UTRN: variants seen among roughly 807,000 people sequenced by gnomAD.
The protein encoded by UTRN is utrophin.
A neutral mutation model predicts 463.9 loss-of-function variants in UTRN; 283 were observed. The ratio of observed to expected loss-of-function variants is 0.61; its 90% CI spans 0.55 to 0.67. The LOEUF (loss-of-function observed/expected upper bound fraction) is 0.67. Ranked by LOEUF, UTRN falls within the 30% of genes least tolerant of loss-of-function variation. UTRN has a pLI of 0.00. For synonymous variants in UTRN, 1,442 were observed against 1,431.5 expected (o/e 1.01, Z -0.17); for missense variants, 3,922 against 4,084.3 (o/e 0.96, Z 1.08).
In UTRN at chr6:144,638,447, A is replaced by G. The variant is rs552023761; in HGVS notation, c.7480-39959A>G. Among the ~76,000 whole-genome samples the G allele has an allele frequency of 9.9e-5, 15 of 152,180 alleles. 1 individual carries two copies. In the South Asian group the frequency reaches 3.1e-3, roughly 31 times the overall value. On this transcript the variant is annotated intron_variant, in intron 51 of 74. Coordinates refer to ENST00000367545, the MANE Select transcript of UTRN (RefSeq NM_007124.3). ...ATTCCTCTTGGGACTGCTTATCTCTAGGGCCTGGATGCTTCCTTTAAATAG... is the reference window on the plus strand; with the variant it reads ...ATTCCTCTTGGGACTGCTTATCTCTGGGGCCTGGATGCTTCCTTTAAATAG...
chr6:144,538,344 T>C (rs930598228), intron 44 of UTRN, among the ~76,000 whole-genome samples: 2 of 152,150 alleles, frequency 1.3e-5, no homozygotes, highest in Non-Finnish European at 2.9e-5. Flanking sequence ...TGCAGAACAC[T>C]CAGCATAATG....
intron 57 of UTRN, among the ~76,000 whole-genome samples, chr6:144,755,318 A>G (rs1047032095): frequency 6.6e-6 from 1 of 152,152 alleles, no homozygotes; most frequent in African/African-American, 2.4e-5. Context: ...CAAACCACCT[A>G]TGCAGAATTT....
intron 2 of UTRN, among the ~76,000 whole-genome samples, chr6:144,350,655 G>A (rs1328461615): frequency 2.0e-5 from 3 of 152,072 alleles, no homozygotes; most frequent in Non-Finnish European, 4.4e-5. Context: ...TATGTTTATT[G>A]GCTCTTTGGA....
At chr6:144,538,060 G>A (rs905944698) in intron 44 of UTRN, among the ~76,000 whole-genome samples, 36 of 152,020 alleles carry the variant, frequency 2.4e-4, no homozygotes, top group Non-Finnish European at 4.1e-4. Context: ...ACTGATTATT[G>A]TCTATAAAGC....
intron 66 of UTRN, among the ~76,000 whole-genome samples, chr6:144,823,146 A>G (rs1401895894): frequency 6.6e-6 from 1 of 152,114 alleles, no homozygotes; most frequent in Non-Finnish European, 1.5e-5. Context: ...AATTCATTCA[A>G]TTGAAAATGA....
chr6:144,398,932 G>A (rs1462511461), intron 2 of UTRN, among the ~76,000 whole-genome samples: 1 of 151,864 alleles, frequency 6.6e-6, no homozygotes, highest in African/African-American at 2.4e-5. Flanking sequence ...GCGGTTTTTA[G>A]CTTTAATAAC....
chr6:144,460,276 C>T (rs911387476), intron 21 of UTRN, among the ~76,000 whole-genome samples: 1 of 152,222 alleles, frequency 6.6e-6, no homozygotes, highest in Non-Finnish European at 1.5e-5. Flanking sequence ...CTACGTTACA[C>T]TATTTACTTC....
Position 144,748,336 on chromosome 6 carries a change from C to T in UTRN, c.8030C>T (p.Ala2677Val). 1 of 1,613,586 alleles carries T rather than the reference C, an allele frequency of 6.2e-7. No homozygotes were observed. The highest frequency in any genetic ancestry group is 8.5e-7 in the Non-Finnish European group (1 of 1,179,904). The change falls in exon 55 of 75, where the codon GCT (alanine) becomes GTT (valine). Residue 2677 changes from alanine (A) to valine (V), a missense_variant. Ala to Val is a moderately conservative substitution (Grantham distance 64). This residue lies in a region of UTRN where 1,309 missense variants were observed against 1,452.6 expected (regional missense o/e 0.90). Transcript: ENST00000367545. ...EVKEKWESLNAVTSNWQKQVD... is the reference protein window; with the variant it reads ...EVKEKWESLNVVTSNWQKQVD... ...AAAGAAAAATGGGAAAGTCTAAATG[C>T]TGTAACTAGCAATTGGCAAAAGCAA...
chr6:144,407,919 A>T (rs1783556252), intron 3 of UTRN, among the ~76,000 whole-genome samples: 1 of 152,258 alleles, frequency 6.6e-6, no homozygotes, highest in African/African-American at 2.4e-5. Context: ...ATCTAAAAAA[A>T]GCTAAAAATT....
At chr6:144,407,054 C>A (rs1421786349) in intron 3 of UTRN, among the ~76,000 whole-genome samples, 2 of 152,004 alleles carry the variant, frequency 1.3e-5, no homozygotes, top group Non-Finnish European at 2.9e-5. Context: ...CCTGAAGGAT[C>A]TCTTTTCTGA....
At chr6:144,298,583 A>T (rs994303021) in intron 2 of UTRN, among the ~76,000 whole-genome samples, 5 of 152,082 alleles carry the variant, frequency 3.3e-5, no homozygotes, top group African/African-American at 1.2e-4. Flanking sequence ...AATTAAGTTT[A>T]AAAAAAATGC....
intron 51 of UTRN, among the ~76,000 whole-genome samples, chr6:144,627,460 A>C (rs935315274): frequency 5.9e-5 from 9 of 152,182 alleles, no homozygotes; most frequent in African/African-American, 2.2e-4. Flanking sequence ...ACTATGGTGA[A>C]ATATACAAAA....
At chr6:144,408,100 G>A (rs576291762) in intron 3 of UTRN, among the ~76,000 whole-genome samples, 1 of 152,288 alleles carries the variant, frequency 6.6e-6, no homozygotes, top group South Asian at 2.1e-4. Context: ...TTGCTGAGAA[G>A]TGTATAGGAG....
At chr6:144,626,421 T>A (rs1484303334) in intron 51 of UTRN, among the ~76,000 whole-genome samples, 1 of 152,234 alleles carries the variant, frequency 6.6e-6, no homozygotes, top group Non-Finnish European at 1.5e-5. Context: ...AGAACCCAAA[T>A]GACATTCCGA....
chr6:144,499,155 A>G (rs1480277675), intron 33 of UTRN, 102 bp from the exon 34 acceptor site: 25 of 1,253,966 alleles, frequency 2.0e-5, no homozygotes, highest in Non-Finnish European at 2.7e-5. Context: ...CTTGGGGGTT[A>G]TATATGAATC....
chr6:144,460,862 T>G (rs897704208), intron 21 of UTRN, among the ~76,000 whole-genome samples: 1 of 152,226 alleles, frequency 6.6e-6, no homozygotes, highest in African/African-American at 2.4e-5. Flanking sequence ...TTTTCTTTTA[T>G]TCTTTGTGTA....
At chr6:144,715,693 T>TCTCCCCCCC (rs1786342267) in intron 53 of UTRN, among the ~76,000 whole-genome samples, 1 of 131,024 alleles carries the variant, frequency 7.6e-6, no homozygotes, top group Non-Finnish European at 1.5e-5. Flanking sequence ...CTCTCTCTCT[T>TCTCCCCCCC]CCCCCCCCAC....
At chr6:144,380,236 A>G (rs1780789145) in intron 2 of UTRN, among the ~76,000 whole-genome samples, 1 of 152,188 alleles carries the variant, frequency 6.6e-6, no homozygotes, top group Admixed American at 6.5e-5. Context: ...TTAAAATGAC[A>G]TTATTAAAGA....
chr6:144,400,255 C>CAAG (rs1782822782), intron 2 of UTRN, among the ~76,000 whole-genome samples: 2 of 152,098 alleles, frequency 1.3e-5, no homozygotes, highest in East Asian at 3.8e-4. Flanking sequence ...TATTTATAAT[C>CAAG]AAGTTATAGT....
Sources: allele counts gnomAD v4.1 joint callset (sites outside exome capture counted in the v4.1 genomes callset), GRCh38; gene constraint gnomAD v4.1.1; regional missense constraint gnomAD v4.1.1; transcripts MANE v1.5; gene names NCBI Gene and HGNC (gene_info 2026-07-23, HGNC 2026-07-21).